The following MBD5 variants were observed in gnomAD, a reference collection of about 807,000 sequenced individuals.
The protein encoded by MBD5 is methyl-CpG-binding domain protein 5.
In MBD5, 13 loss-of-function variants were observed where a neutral mutation model predicts 117.3. That is an observed-to-expected ratio of 0.11 (90% CI 0.07 to 0.18). MBD5 has a LOEUF of 0.18. Among genes scored for constraint, MBD5 ranks in the 10% least tolerant of loss-of-function variants. The pLI is 1.00. For synonymous variants in MBD5, 727 were observed against 766.4 expected, an observed-to-expected ratio of 0.95 and a Z score of 0.85; for missense variants, 1,879 against 2,093.8, an observed-to-expected ratio of 0.90 and a Z score of 2.00.
At chr2:148,041,808 A>T (rs1445700584) in intron 1 of MBD5, among the ~76,000 whole-genome samples, 1 of 152,126 alleles carries the variant, frequency 6.6e-6, no homozygotes, top group Non-Finnish European at 1.5e-5. Flanking sequence ...AAACGTAAAA[A>T]TCCTTTAATA....
intron 1 of MBD5, among the ~76,000 whole-genome samples, chr2:148,078,312 ACT>A (rs1052049951): frequency 1.7e-4 from 26 of 152,034 alleles, no homozygotes; most frequent in Admixed American, 5.2e-4. Context: ...GACTCCAGTA[ACT>A]CTAACCAGAT....
At chr2:148,360,905 A>T (rs1210741934) in intron 4 of MBD5, among the ~76,000 whole-genome samples, 1 of 152,210 alleles carries the variant, frequency 6.6e-6, no homozygotes, top group Non-Finnish European at 1.5e-5. Flanking sequence ...TTAAAATTTT[A>T]GCTCAGACTA....
chr2:148,333,397 A>G (rs1168918750), intron 3 of MBD5, among the ~76,000 whole-genome samples: 1 of 152,194 alleles, frequency 6.6e-6, no homozygotes, highest in African/African-American at 2.4e-5. Context: ...AGATTCACCA[A>G]AGAAGAATCT....
intron 4 of MBD5, among the ~76,000 whole-genome samples, chr2:148,398,213 C>G (rs920189852): frequency 6.6e-6 from 1 of 152,100 alleles, no homozygotes; most frequent in African/African-American, 2.4e-5. Context: ...GTTCTAGATC[C>G]CTGAGGAATC....
At chr2:148,253,709 T>C (rs538438221) in intron 3 of MBD5, among the ~76,000 whole-genome samples, 1 of 152,196 alleles carries the variant, frequency 6.6e-6, no homozygotes, top group East Asian at 1.9e-4. Flanking sequence ...GGAAAAACAC[T>C]CAAGGAATTG....
intron 3 of MBD5, among the ~76,000 whole-genome samples, chr2:148,285,980 A>G (rs1701359898): frequency 6.6e-6 from 1 of 152,058 alleles, no homozygotes; most frequent in African/African-American, 2.4e-5. Context: ...ATAATTTAGT[A>G]AAAATTTTAA....
intron 3 of MBD5, among the ~76,000 whole-genome samples, chr2:148,331,384 T>C (rs376843569): frequency 6.7e-6 from 1 of 149,410 alleles, no homozygotes; most frequent in Non-Finnish European, 1.5e-5. Context: ...TTTTTTTTTT[T>C]GGTAATTTAA....
At chr2:148,133,546 G>A (rs185569448) in intron 1 of MBD5, among the ~76,000 whole-genome samples, 6 of 152,294 alleles carry the variant, frequency 3.9e-5, no homozygotes, top group Admixed American at 2.0e-4. Context: ...ATACTAGGCC[G>A]GGCACAGTGG....
chr2:148,508,785 A>T (rs1049683682), intron 12 of MBD5, among the ~76,000 whole-genome samples: 11 of 152,174 alleles, frequency 7.2e-5, no homozygotes, highest in Non-Finnish European at 4.4e-5. Context: ...TATTTTTTGA[A>T]ACATAGGACC....
At chr2:148,455,832 C>A (rs747373169) in intron 4 of MBD5, among the ~76,000 whole-genome samples, 1 of 151,208 alleles carries the variant, frequency 6.6e-6, no homozygotes, top group Non-Finnish European at 1.5e-5. Context: ...AATGATGAGA[C>A]CACTGAAGAG....
In MBD5 at chr2:148,512,955, A is replaced by G. The variant is rs1682262522; in HGVS notation, c.*14A>G. On this transcript the variant is annotated 3_prime_UTR_variant, in exon 14 of 14. Transcript: ENST00000642680. Reference sequence around the variant, plus strand: ...ATCTCCAGATAACAGAGACTACTCCACTAATGCGCAGTGTTTATTAAAGGA... The same window carrying G: ...ATCTCCAGATAACAGAGACTACTCCGCTAATGCGCAGTGTTTATTAAAGGA... 2 of 1,607,938 alleles carry G rather than the reference A, an allele frequency of 1.2e-6. No homozygotes were observed.
At chr2:148,086,993 T>G (rs1695812155) in intron 1 of MBD5, among the ~76,000 whole-genome samples, 1 of 152,068 alleles carries the variant, frequency 6.6e-6, no homozygotes. Context: ...GATAGGTGAT[T>G]GCAGTTATTA....
At chr2:148,177,373 T>C (rs574302175) in intron 1 of MBD5, among the ~76,000 whole-genome samples, 23 of 152,320 alleles carry the variant, frequency 1.5e-4, no homozygotes, top group Non-Finnish European at 2.5e-4. Flanking sequence ...CCTGGGGTTC[T>C]AGATTTTAAA....
chr2:148,095,651 T>A (rs1175273385), intron 1 of MBD5, among the ~76,000 whole-genome samples: 1 of 152,132 alleles, frequency 6.6e-6, no homozygotes. Flanking sequence ...ATGTGCACAT[T>A]TATATAGATT....
chr2:148,185,956 A>G (rs933243341), intron 2 of MBD5, among the ~76,000 whole-genome samples: 1 of 152,202 alleles, frequency 6.6e-6, no homozygotes, highest in Non-Finnish European at 1.5e-5. Context: ...GATATTTAGC[A>G]TGATTTGCGT....
At chr2:148,278,786 A>G (rs1252312844) in intron 3 of MBD5, among the ~76,000 whole-genome samples, 2 of 152,228 alleles carry the variant, frequency 1.3e-5, no homozygotes, top group Non-Finnish European at 2.9e-5. Context: ...CAAAATACTC[A>G]CTCAGTCCAA....
chr2:148,139,690 T>C (rs1156878054), intron 1 of MBD5, among the ~76,000 whole-genome samples: 1 of 152,138 alleles, frequency 6.6e-6, no homozygotes, highest in Non-Finnish European at 1.5e-5. Context: ...ATCATTCTTG[T>C]ACCTTTCTTC....
At chr2:148,393,772 C>G (rs1704629214) in intron 4 of MBD5, among the ~76,000 whole-genome samples, 1 of 152,118 alleles carries the variant, frequency 6.6e-6, no homozygotes, top group Admixed American at 6.6e-5. Flanking sequence ...AAAGCACAGC[C>G]TCCTTTCAGA....
chr2:148,286,756 G>A (rs1315847000), intron 3 of MBD5, among the ~76,000 whole-genome samples: 1 of 152,012 alleles, frequency 6.6e-6, no homozygotes, highest in African/African-American at 2.4e-5. Context: ...ATTGCAGCCA[G>A]GACAAGGAAT....
Sources: gnomAD v4.1 joint callset for allele counts (sites outside exome capture counted in the v4.1 genomes callset) on GRCh38, gnomAD v4.1.1 for gene constraint, MANE v1.5 for transcripts, NCBI Gene and HGNC (gene_info 2026-07-23, HGNC 2026-07-21) for gene names.